Variants in PREX2 observed in about 807,000 individuals in gnomAD.
PREX2 encodes phosphatidylinositol-3,4,5-trisphosphate dependent Rac exchange factor 2.
Under a neutral mutation model 203.2 loss-of-function variants are expected in PREX2, and 107 were observed. The observed-to-expected ratio is 0.53, with a 90% CI of 0.45 to 0.62. PREX2 has a LOEUF of 0.62. Ranked by LOEUF, PREX2 falls within the 20% of genes least tolerant of loss-of-function variation. The pLI is 0.00. For synonymous variants in PREX2, 672 were observed against 663.6 expected (o/e 1.01, Z -0.19); for missense variants, 1,777 against 1,955.9 (o/e 0.91, Z 1.72).
At position 68,038,270 on chromosome 8, in the gene PREX2, G is replaced by A. The variant is rs967932513; in HGVS notation, c.817G>A (p.Val273Met). ...GTTTTTTCTTTTCGATAATCTTTTG[G>A]TGTACTGCAAAAGAAAACACAGGTA... Reference protein sequence around the residue: ...RVFFLFDNLLVYCKRKHRRLK... With the variant: ...RVFFLFDNLLMYCKRKHRRLK... Residue 273 changes from valine (V) to methionine (M), a missense_variant, in exon 7 of 40, where the codon GTG becomes ATG. Coordinates refer to ENST00000288368, the MANE Select transcript of PREX2 (RefSeq NM_024870.4). 1.2e-6 allele frequency: 2 copies of A among 1,613,514 alleles called. No homozygotes were observed. The highest frequency in any genetic ancestry group is 2.2e-5 in the East Asian group (1 of 44,850).
At chr8:68,009,544 G>T (rs1807203458) in intron 1 of PREX2, among the ~76,000 whole-genome samples, 2 of 152,248 alleles carry the variant, frequency 1.3e-5, no homozygotes, top group South Asian at 4.1e-4. Context: ...ATTCATGTAA[G>T]CTTCTGAACT....
At chr8:68,076,766 A>G (rs116666641) in intron 14 of PREX2, among the ~76,000 whole-genome samples, 244 of 151,840 alleles carry the variant, frequency 1.6e-3, no homozygotes, top group African/African-American at 5.7e-3. Context: ...AAGGCATAAA[A>G]TAGGTGTTTT....
intron 1 of PREX2, among the ~76,000 whole-genome samples, chr8:67,980,109 A>G (rs944927791): frequency 2.0e-5 from 3 of 152,216 alleles, no homozygotes; most frequent in African/African-American, 2.4e-5. Flanking sequence ...AAGTTTTTCT[A>G]TGCAAAAGAG....
intron 33 of PREX2, among the ~76,000 whole-genome samples, chr8:68,141,831 TC>T (rs1294627787): frequency 6.6e-6 from 1 of 152,212 alleles, no homozygotes. Flanking sequence ...AGAGACCTTT[TC>T]CTCTTGCAAT....
rs1019458427 is a variant in PREX2, at chr8:68,091,751, C to T, written c.2250+1036C>T. On this transcript the variant is annotated intron_variant, in intron 20 of 39. Coordinates refer to ENST00000288368, the MANE Select transcript of PREX2 (RefSeq NM_024870.4). Reference sequence around the variant, plus strand: ...CTCATCGGAAATGATCAAATCTTTTCTCTTCTACCAGAATGTTAATAAGCA... The same window carrying T: ...CTCATCGGAAATGATCAAATCTTTTTTCTTCTACCAGAATGTTAATAAGCA... Among the ~76,000 whole-genome samples the T allele has an allele frequency of 2.6e-5, 4 of 152,288 alleles. No homozygotes were observed. The South Asian group carries it at 6.2e-4, about 24-fold the overall frequency.
At chr8:68,150,574 A>G (rs1811413444) in intron 34 of PREX2, among the ~76,000 whole-genome samples, 1 of 152,182 alleles carries the variant, frequency 6.6e-6, no homozygotes, top group South Asian at 2.1e-4. Flanking sequence ...CCTGGGTGCC[A>G]AACGTATTCC....
At chr8:68,134,829 G>C (rs895015611) in intron 32 of PREX2, among the ~76,000 whole-genome samples, 1 of 152,224 alleles carries the variant, frequency 6.6e-6, no homozygotes, top group South Asian at 2.1e-4. Context: ...CTATGTTTAT[G>C]CATTGGGTTT....
intron 23 of PREX2, chr8:68,105,637 C>T: frequency 1.1e-6 from 1 of 951,552 alleles, no homozygotes; most frequent in Non-Finnish European, 1.2e-6. Context: ...TACAGTCATG[C>T]ACTGCATAAC....
At chr8:68,171,036 A>G (rs1213895823) in intron 35 of PREX2, among the ~76,000 whole-genome samples, 3 of 152,186 alleles carry the variant, frequency 2.0e-5, no homozygotes, top group African/African-American at 7.2e-5. Flanking sequence ...TATTTTCAGT[A>G]TAAAATAGTA....
At chr8:68,210,101 G>T (rs1812715417) in intron 37 of PREX2, among the ~76,000 whole-genome samples, 1 of 152,088 alleles carries the variant, frequency 6.6e-6, no homozygotes. Flanking sequence ...TTTTCTTTCA[G>T]GGATAATTTT....
chr8:67,993,412 C>CT lies in PREX2; in HGVS notation c.142-24422dup, dbSNP rs72366669. ...GTATTACTTCAGTCTTTTTTTTTTT[C>CT]TTTTTTTTTTTTGAGACAGGGTCTC... On this transcript the variant is annotated intron_variant, in intron 1 of 39. Coordinates refer to ENST00000288368, the MANE Select transcript of PREX2 (RefSeq NM_024870.4). 4.8e-3 allele frequency among the ~76,000 whole-genome samples: 633 copies of CT among 132,706 alleles called. 8 individuals are homozygous for CT. Among genetic ancestry groups the CT allele is most frequent in the African/African-American group, 0.016 (551 of 34,854 alleles). 87.1% of individuals were successfully genotyped at this position (132,706 alleles called of 152,430 possible).
intron 1 of PREX2, among the ~76,000 whole-genome samples, chr8:67,981,314 T>G (rs1274478170): frequency 2.0e-5 from 3 of 152,108 alleles, no homozygotes; most frequent in African/African-American, 7.2e-5. Context: ...ATGCCATCTT[T>G]TAAAAGAGAC....
In PREX2 at chr8:68,115,852, C is replaced by G. The variant is rs760102200; in HGVS notation, c.3246C>G (p.Ser1082Arg). 6.2e-7 allele frequency: 1 copy of G among 1,613,876 alleles called. No homozygotes were observed. Among genetic ancestry groups the G allele is most frequent in the Non-Finnish European group, 8.5e-7 (1 of 1,179,880 alleles). ...DSDNEKGERN[S>R]KRVCFNVAGD... Reference sequence around the variant, plus strand: ...ACAATGAGAAGGGAGAAAGAAACAGCAAACGGGTATGTTTTAATGTAGCAG... The same window carrying G: ...ACAATGAGAAGGGAGAAAGAAACAGGAAACGGGTATGTTTTAATGTAGCAG... The change falls in exon 26 of 40, where the codon AGC becomes AGG. Residue 1082 changes from serine to arginine, a missense_variant. Transcript: ENST00000288368.
chr8:68,100,293 C>T (rs1056435838), intron 23 of PREX2: 16 of 438,830 alleles, frequency 3.6e-5, no homozygotes, highest in Non-Finnish European at 6.3e-5. Context: ...ATTTATTAGG[C>T]ACCCTCTATG....
chr8:68,069,913 C>T, intron 13 of PREX2, 29 bp downstream of exon 13: 1 of 1,320,774 alleles, frequency 7.6e-7, no homozygotes, highest in Non-Finnish European at 1.1e-6. Context: ...TTCTGGGAAA[C>T]TTAAATGGAA....
chr8:68,186,984 G>T (rs1812202993), intron 35 of PREX2, among the ~76,000 whole-genome samples: 1 of 151,566 alleles, frequency 6.6e-6, no homozygotes, highest in East Asian at 1.9e-4. Context: ...CGCAGAATCA[G>T]ATCAACATGA....
chr8:68,126,612 ATC>A (rs2129613235), intron 30 of PREX2, among the ~76,000 whole-genome samples: 1 of 152,202 alleles, frequency 6.6e-6, no homozygotes, highest in South Asian at 2.1e-4. Flanking sequence ...TCTACTGTGA[ATC>A]TGTCTAGAAT....
intron 37 of PREX2, among the ~76,000 whole-genome samples, chr8:68,202,049 G>A (rs1812515834): frequency 6.6e-6 from 1 of 151,860 alleles, no homozygotes; most frequent in Non-Finnish European, 1.5e-5. Flanking sequence ...GGGATTACAG[G>A]CGCCCACCAC....
rs1554556251 is a variant in PREX2 at position 67,955,170 on chromosome 8, A to AAT, written c.141+2636_141+2637insTA. 3.6e-3 allele frequency among the ~76,000 whole-genome samples: 495 copies of AAT among 139,380 alleles called. 10 individuals carry two copies. Among genetic ancestry groups the AAT allele is most frequent in the Middle Eastern group, 0.011 (3 of 272 alleles). 91.4% of individuals were successfully genotyped at this position (139,380 alleles called of 152,430 possible). Reference sequence around the variant, plus strand: ...CTCAAAAAAAAAAAAAAAAAAAAAAAAGAAATCATATGGCTAGAGGGAAAA... The same window carrying AAT: ...CTCAAAAAAAAAAAAAAAAAAAAAAAATAGAAATCATATGGCTAGAGGGAAAA... On this transcript the variant is annotated intron_variant, in intron 1 of 39. Coordinates refer to ENST00000288368, the MANE Select transcript of PREX2 (RefSeq NM_024870.4).
Sources: allele counts gnomAD v4.1 joint callset (sites outside exome capture counted in the v4.1 genomes callset), GRCh38; gene constraint gnomAD v4.1.1; transcripts MANE v1.5; gene names NCBI Gene and HGNC (gene_info 2026-07-23, HGNC 2026-07-21).